Variants in ERC2 observed in about 807,000 individuals in gnomAD.
ERC2 encodes the protein ERC protein 2.
ERC2 carries 42 observed loss-of-function variants against 114.8 expected under a neutral mutation model. That is an observed-to-expected ratio of 0.37 (90% CI 0.29 to 0.47). The LOEUF (loss-of-function observed/expected upper bound fraction) is 0.47. Among genes scored for constraint, ERC2 ranks in the 20% least tolerant of loss-of-function variants. The pLI is 0.99. For missense variants in ERC2, 939 were observed against 1,150.7 expected, an observed-to-expected ratio of 0.82 and a Z score of 2.66; for synonymous variants, 454 against 425.5, an observed-to-expected ratio of 1.07 and a Z score of -0.82.
chr3:55,763,497 A>G (rs896086846), intron 14 of ERC2, among the ~76,000 whole-genome samples: 1 of 152,130 alleles, frequency 6.6e-6, no homozygotes, highest in African/African-American at 2.4e-5. Context: ...CCAGATTCAG[A>G]GAGGGACTCT....
chr3:56,246,326 C>T (rs2051706248), intron 3 of ERC2, among the ~76,000 whole-genome samples: 1 of 152,114 alleles, frequency 6.6e-6, no homozygotes, highest in South Asian at 2.1e-4. Context: ...CCCTGGCCTC[C>T]ACCCACAAGC....
At chr3:55,671,446 G>T (rs1012637617) in intron 17 of ERC2, among the ~76,000 whole-genome samples, 5 of 152,132 alleles carry the variant, frequency 3.3e-5, no homozygotes, top group African/African-American at 1.2e-4. Context: ...TTTCTAGTAA[G>T]CCCTAACTTG....
At chr3:55,706,345 G>A (rs1315429286) in intron 15 of ERC2, among the ~76,000 whole-genome samples, 1 of 151,548 alleles carries the variant, frequency 6.6e-6, no homozygotes, top group African/African-American at 2.4e-5. Flanking sequence ...TGCAGTAAAA[G>A]CTTGTCTTGG....
intron 6 of ERC2, among the ~76,000 whole-genome samples, chr3:56,132,929 C>A (rs2080291686): frequency 6.6e-6 from 1 of 151,832 alleles, no homozygotes; most frequent in African/African-American, 2.4e-5. Context: ...AAAACAATAC[C>A]CTCCCTAGAG....
intron 3 of ERC2, among the ~76,000 whole-genome samples, chr3:56,188,319 C>T (rs971308191): frequency 3.3e-5 from 5 of 152,180 alleles, no homozygotes; most frequent in South Asian, 2.1e-4. Flanking sequence ...CTTTCTCTCT[C>T]GAGTACGTGG....
rs75858624 is a variant in ERC2, at chr3:56,251,450, C to T, written c.1074+44569G>A. On this transcript the variant is annotated intron_variant, in intron 3 of 17. Coordinates refer to ENST00000288221, the MANE Select transcript of ERC2 (RefSeq NM_015576.3). ...TAAAATCAATTTAATAACTGATCTG[C>T]ACTCTCCTGGTACACAGGAAAAGCA... 2.9e-3 allele frequency among the ~76,000 whole-genome samples: 437 copies of T among 152,178 alleles called. 9 individuals are homozygous for T. In the East Asian group the frequency reaches 0.039, roughly 14 times the overall value.
chr3:56,438,597 A>C (rs2062139585), intron 1 of ERC2, among the ~76,000 whole-genome samples: 1 of 152,222 alleles, frequency 6.6e-6, no homozygotes, highest in Non-Finnish European at 1.5e-5. Context: ...TGGTTCCAAC[A>C]GTTAAATGAA....
At chr3:56,320,239 C>G (rs2057066066) in intron 2 of ERC2, among the ~76,000 whole-genome samples, 1 of 152,062 alleles carries the variant, frequency 6.6e-6, no homozygotes. Context: ...AGGTTAACTA[C>G]AAAAGAACAA....
intron 2 of ERC2, among the ~76,000 whole-genome samples, chr3:56,346,205 C>T (rs911417485): frequency 2.6e-5 from 4 of 152,134 alleles, no homozygotes; most frequent in Admixed American, 6.5e-5. Flanking sequence ...AAAAGAGCTG[C>T]CCTTTATGAA....
In ERC2 at chr3:56,434,865, T is replaced by C; in HGVS notation, c.143A>G (p.Asn48Ser). The change falls in exon 2 of 18, where the codon AAT becomes AGT. Residue 48 changes from asparagine to serine, a missense_variant. Physicochemically the swap from Asn to Ser is conservative, Grantham distance 46 (BLOSUM62 1). This residue lies in a region of ERC2 where 281 missense variants were observed against 307.4 expected (regional missense o/e 0.91). Coordinates refer to ENST00000288221, the MANE Select transcript of ERC2 (RefSeq NM_015576.3). ...GGTGKTLSME[N>S]IQSLNAAYAT... Reference sequence around the variant, plus strand: ...ATAGGCTGCATTGAGGGACTGGATATTCTCCATAGACAGAGTCTTGCCTGT... The same window carrying C: ...ATAGGCTGCATTGAGGGACTGGATACTCTCCATAGACAGAGTCTTGCCTGT... 1 of 1,613,856 alleles carries C rather than the reference T, an allele frequency of 6.2e-7. No individual in the cohort carries two copies. Among genetic ancestry groups the C allele is most frequent in the Non-Finnish European group, 8.5e-7 (1 of 1,179,870 alleles).
intron 14 of ERC2, among the ~76,000 whole-genome samples, chr3:55,875,984 AAG>A (rs1346635252): frequency 6.6e-6 from 1 of 152,152 alleles, no homozygotes; most frequent in African/African-American, 2.4e-5. Context: ...AGTGGAAGAG[AAG>A]AGAGAGTGGG....
chr3:56,244,552 T>C (rs1239783481), intron 3 of ERC2, among the ~76,000 whole-genome samples: 1 of 152,032 alleles, frequency 6.6e-6, no homozygotes, highest in Non-Finnish European at 1.5e-5. Context: ...ATGTTGATGA[T>C]CCTGATCATG....
intron 3 of ERC2, among the ~76,000 whole-genome samples, chr3:56,263,464 C>A (rs1056213756): frequency 6.6e-6 from 1 of 152,014 alleles, no homozygotes; most frequent in African/African-American, 2.4e-5. Context: ...TAGCTGTGAT[C>A]AGCACAGAGA....
chr3:55,761,664 G>T (rs2067439412), intron 14 of ERC2, among the ~76,000 whole-genome samples: 1 of 152,118 alleles, frequency 6.6e-6, no homozygotes, highest in African/African-American at 2.4e-5. Flanking sequence ...AATCCCCAGG[G>T]AGGGACCTGG....
rs550009400 is a variant in ERC2 at position 55,638,598 on chromosome 3, G to A, written c.*39+45196C>T. On this transcript the variant is annotated intron_variant, in intron 17 of 17. Coordinates refer to ENST00000288221, the MANE Select transcript of ERC2 (RefSeq NM_015576.3). ...AGAGATTCCCCAAAGAGTCACGTTA[G>A]AGTCTGTAGTCTTTCTGCTAAAGGG... Among the ~76,000 whole-genome samples, 40 of 152,282 alleles carry A rather than the reference G, an allele frequency of 2.6e-4. No homozygotes were observed. In the South Asian group the frequency reaches 7.3e-3, roughly 28 times the overall value.
At chr3:55,552,212 A>G (rs1039478862) in intron 17 of ERC2, among the ~76,000 whole-genome samples, 3 of 152,164 alleles carry the variant, frequency 2.0e-5, no homozygotes, top group African/African-American at 7.2e-5. Context: ...CAGTCTTAGA[A>G]AGAAGTTTCC....
chr3:56,132,728 G>A (rs1459480482), intron 6 of ERC2, among the ~76,000 whole-genome samples: 1 of 152,186 alleles, frequency 6.6e-6, no homozygotes, highest in East Asian at 1.9e-4. Flanking sequence ...CCAACAATCA[G>A]AGAGAACAAA....
At chr3:56,248,533 G>A (rs918813770) in intron 3 of ERC2, among the ~76,000 whole-genome samples, 16 of 152,240 alleles carry the variant, frequency 1.1e-4, no homozygotes, top group Middle Eastern at 3.4e-3. Context: ...AAACTGATTT[G>A]TTACTCTTTA....
intron 13 of ERC2, among the ~76,000 whole-genome samples, chr3:55,903,601 A>T (rs1262018104): frequency 2.0e-5 from 3 of 152,270 alleles, no homozygotes; most frequent in Admixed American, 1.3e-4. Flanking sequence ...CTCATTATTT[A>T]AAATAAGTAA....
Sources: gnomAD v4.1 joint callset for allele counts (sites outside exome capture counted in the v4.1 genomes callset) on GRCh38, gnomAD v4.1.1 for gene constraint, gnomAD v4.1.1 regional missense constraint, MANE v1.5 for transcripts, NCBI Gene and HGNC (gene_info 2026-07-23, HGNC 2026-07-21) for gene names.